The following ITPR1 variants were observed in gnomAD, a reference collection of about 807,000 sequenced individuals.
ITPR1 encodes the protein inositol 1,4,5-trisphosphate-gated calcium channel ITPR1.
In ITPR1, 96 loss-of-function variants were observed where a neutral mutation model predicts 318.4. That is an observed-to-expected ratio of 0.30 (90% confidence interval 0.26 to 0.36). The LOEUF (loss-of-function observed/expected upper bound fraction) is 0.36. ITPR1 is among the 10% of genes least tolerant of loss of function. The pLI, the probability that ITPR1 is intolerant of heterozygous loss-of-function variation, is 1.00. For synonymous variants in ITPR1, 1,312 were observed against 1,289.9 expected (o/e 1.02, Z -0.37); for missense variants, 2,440 against 3,460.2 (o/e 0.71, Z 7.40).
intron 4 of ITPR1, among the ~76,000 whole-genome samples, chr3:4,618,440 C>T (rs745830234): frequency 1.4e-4 from 21 of 152,168 alleles, no homozygotes; most frequent in Non-Finnish European, 8.8e-5. Flanking sequence ...CTCTGTTCCT[C>T]CTCCATCCTC....
Position 4,800,432 on chromosome 3 carries a change from G to A in ITPR1, c.6939G>A (p.Leu2313=), listed in dbSNP as rs760865030. Residue 2313 remains leucine (L), a synonymous_variant, in exon 54 of 62, where the codon CTG becomes CTA. Transcript: ENST00000649015. ...CCTGTTTTGTCCTTGCAGGAACCCT[G>A]GAGCCCCACTGGTCGGGACTCCTGT... ...YPFKGVRGGT[L]EPHWSGLLWT... is the part of the protein sequence containing the mutation. 2.5e-6 allele frequency: 4 copies of A among 1,613,636 alleles called. No homozygotes were observed. The highest frequency in any genetic ancestry group is 3.4e-6 in the Non-Finnish European group (4 of 1,179,778).
intron 4 of ITPR1, among the ~76,000 whole-genome samples, chr3:4,566,618 A>G (rs2087298294): frequency 1.5e-5 from 2 of 129,216 alleles, no homozygotes; most frequent in Admixed American, 1.5e-4. Context: ...ACACACACAC[A>G]CACACACACA....
At chr3:4,599,775 C>T (rs1442746837) in intron 4 of ITPR1, among the ~76,000 whole-genome samples, 1 of 152,194 alleles carries the variant, frequency 6.6e-6, no homozygotes, top group Non-Finnish European at 1.5e-5. Flanking sequence ...TCCCTGATAC[C>T]AGCAGGAGGC....
chr3:4,795,239 GGACTT>G, intron 53 of ITPR1, 52 bp downstream of exon 53: 2 of 1,575,002 alleles, frequency 1.3e-6, no homozygotes, highest in Non-Finnish European at 1.7e-6. Flanking sequence ...AGGAAGGCTA[GGACTT>G]GCATCTCAGT....
chr3:4,648,077 A>C (rs1168952293), intron 10 of ITPR1, among the ~76,000 whole-genome samples: 1 of 152,082 alleles, frequency 6.6e-6, no homozygotes, highest in Non-Finnish European at 1.5e-5. Context: ...ACTTGAATCC[A>C]GGAGGCGGAG....
chr3:4,626,412 T>C (rs2092830041), intron 4 of ITPR1, among the ~76,000 whole-genome samples: 1 of 152,068 alleles, frequency 6.6e-6, no homozygotes, highest in Non-Finnish European at 1.5e-5. Context: ...ATATTTTAAG[T>C]GGTTTTAGTT....
intron 4 of ITPR1, among the ~76,000 whole-genome samples, chr3:4,521,760 T>G (rs1294471172): frequency 6.6e-6 from 1 of 152,106 alleles, no homozygotes; most frequent in African/African-American, 2.4e-5. Flanking sequence ...TCCCAGCTAC[T>G]CAGGAGGCTG....
chr3:4,805,246 T>C (rs2048483272), intron 54 of ITPR1, among the ~76,000 whole-genome samples: 1 of 152,238 alleles, frequency 6.6e-6, no homozygotes, highest in Non-Finnish European at 1.5e-5. Flanking sequence ...CTTTTGGCTC[T>C]GTGTCCCCAG....
rs1393773624 is a variant in ITPR1, at chr3:4,693,603, C to T, written c.4143C>T (p.Leu1381=). The change falls in exon 33 of 62, where the codon CTC becomes CTT. Residue 1381 remains leucine (L), a synonymous_variant. Transcript: ENST00000649015. ...ERDRMDENSP[L]MYHIHLVELL... Reference sequence around the variant, plus strand: ...ATCGGATGGATGAGAACAGCCCTCTCATGTACCACATCCACTTGGTCGAGC... The same window carrying T: ...ATCGGATGGATGAGAACAGCCCTCTTATGTACCACATCCACTTGGTCGAGC... The T allele has an allele frequency of 1.9e-6, 3 of 1,614,052 alleles. No homozygotes were observed. Among genetic ancestry groups the T allele is most frequent in the Non-Finnish European group, 2.5e-6 (3 of 1,179,896 alleles).
At chr3:4,572,120 G>GC (rs2088072777) in intron 4 of ITPR1, among the ~76,000 whole-genome samples, 1 of 152,150 alleles carries the variant, frequency 6.6e-6, no homozygotes, top group South Asian at 2.1e-4. Context: ...AGCGGGTCCA[G>GC]TCCTATGACT....
At chr3:4,736,199 A>G (rs2043258797) in intron 44 of ITPR1, among the ~76,000 whole-genome samples, 1 of 151,988 alleles carries the variant, frequency 6.6e-6, no homozygotes, top group Non-Finnish European at 1.5e-5. Context: ...ACACACACAC[A>G]TATGTTTTGA....
chr3:4,725,664 T>G (rs1322944072), intron 41 of ITPR1, 83 bp downstream of exon 41: 1 of 1,270,880 alleles, frequency 7.9e-7, no homozygotes, highest in Non-Finnish European at 1.1e-6. Context: ...GTCTGAATTG[T>G]TGTAACAAAA....
At chr3:4,650,184 G>T (rs536193855) in intron 10 of ITPR1, among the ~76,000 whole-genome samples, 1 of 152,300 alleles carries the variant, frequency 6.6e-6, no homozygotes, top group East Asian at 1.9e-4. Flanking sequence ...GTCATCTGCT[G>T]CTATGAACAT....
At chr3:4,519,721 T>G (rs571935799) in intron 3 of ITPR1, among the ~76,000 whole-genome samples, 1 of 152,234 alleles carries the variant, frequency 6.6e-6, no homozygotes, top group South Asian at 2.1e-4. Flanking sequence ...TACAGTGAAG[T>G]CTTGTGTCAT....
At position 4,667,627 on chromosome 3, in the gene ITPR1, C is replaced by T. The variant is rs147918089; in HGVS notation, c.1886+78C>T. On this transcript the variant is annotated intron_variant, in intron 18 of 61. Transcript: ENST00000649015. The stretch of plus-strand genomic sequence containing the variant: ...GGGACTTAGCTGGTGCTTTTTACTA[C>T]GTTTCCTTGTGCTGCTAGTGACAAG... The T allele has an allele frequency of 9.6e-5, 132 of 1,374,986 alleles. 1 individual carries two copies. Among genetic ancestry groups the T allele is most frequent in the Admixed American group, 1.3e-4 (6 of 45,070 alleles). 85.2% of individuals were successfully genotyped at this position (1,374,986 alleles called of 1,614,324 possible). A position where few individuals can be genotyped will look rare whatever the true frequency, so the allele number is the denominator to read the frequency against.
At chr3:4,610,629 C>A (rs1236666276) in intron 4 of ITPR1, among the ~76,000 whole-genome samples, 5 of 152,012 alleles carry the variant, frequency 3.3e-5, no homozygotes, top group Admixed American at 2.0e-4. Flanking sequence ...TAATGAGGTA[C>A]TGAGAGGTAC....
intron 56 of ITPR1, 81 bp from the exon 57 acceptor site, chr3:4,813,061 T>C: frequency 1.0e-6 from 1 of 966,154 alleles, no homozygotes; most frequent in Non-Finnish European, 1.7e-6. Flanking sequence ...AATTGTTTAA[T>C]CAGCCGTGAA....
chr3:4,622,463 C>T (rs140107679), intron 4 of ITPR1, among the ~76,000 whole-genome samples: 23 of 147,630 alleles, frequency 1.6e-4, no homozygotes, highest in East Asian at 1.0e-3. Flanking sequence ...CTTGCTCTGT[C>T]GCCAGGCTGG....
intron 60 of ITPR1, among the ~76,000 whole-genome samples, chr3:4,822,992 A>G (rs1193695269): frequency 6.6e-6 from 1 of 152,204 alleles, no homozygotes; most frequent in Non-Finnish European, 1.5e-5. Flanking sequence ...ATTAACCTTG[A>G]TCTACATTTA....
Sources: gnomAD v4.1 joint callset for allele counts (sites outside exome capture counted in the v4.1 genomes callset) on GRCh38, gnomAD v4.1.1 for gene constraint, MANE v1.5 for transcripts, NCBI Gene and HGNC (gene_info 2026-07-23, HGNC 2026-07-21) for gene names.